The following STAG1 variants were observed in gnomAD, a reference collection of about 807,000 sequenced individuals.
STAG1 encodes the protein cohesin subunit SA-1.
STAG1 carries 26 observed loss-of-function variants against 170.9 expected under a neutral mutation model. The observed-to-expected ratio is 0.15, with a 90% CI of 0.11 to 0.21. STAG1 has a LOEUF of 0.21. STAG1 is among the 10% of genes least tolerant of loss of function. The pLI is 1.00. For synonymous variants in STAG1, 514 were observed against 497.7 expected (o/e 1.03, Z -0.44); for missense variants, 964 against 1,509.5 (o/e 0.64, Z 5.99).
chr3:136,418,644 T>C (rs2087852894), intron 20 of STAG1, among the ~76,000 whole-genome samples: 1 of 149,918 alleles, frequency 6.7e-6, no homozygotes, highest in South Asian at 2.1e-4. Flanking sequence ...TATATAATAG[T>C]ATTTTTTTTT....
chr3:136,344,629 T>C (rs1477623211), intron 29 of STAG1, among the ~76,000 whole-genome samples: 1 of 152,108 alleles, frequency 6.6e-6, no homozygotes, highest in African/African-American at 2.4e-5. Flanking sequence ...AAACTTTTTT[T>C]TCAAGACGGA....
intron 6 of STAG1, among the ~76,000 whole-genome samples, chr3:136,537,114 TTTCTAA>T (rs763640053): frequency 7.2e-5 from 11 of 152,234 alleles, no homozygotes; most frequent in African/African-American, 2.7e-4. Context: ...GCACTTGTCA[TTTCTAA>T]TTCTATTTTC....
In STAG1 at chr3:136,343,937, G is replaced by A. The variant is rs755648970; in HGVS notation, c.3341C>T (p.Ala1114Val). 8.7e-6 allele frequency: 14 copies of A among 1,612,306 alleles called. No homozygotes were observed. In the East Asian group the frequency reaches 3.1e-4, roughly 36 times the overall value. ...TMIQTPGPLP[A>V]PQLTSTVLRE... Reference sequence around the variant, plus strand: ...CAGTACAGTGGATGTGAGTTGTGGTGCTGGCAGGGGGCCAGGAGTCTGAAT... The same window carrying A: ...CAGTACAGTGGATGTGAGTTGTGGTACTGGCAGGGGGCCAGGAGTCTGAAT... The change falls in exon 30 of 34, where the codon GCA becomes GTA. Residue 1114 changes from alanine (A) to valine (V), a missense_variant. Physicochemically the swap from Ala to Val is moderately conservative, Grantham distance 64. Around this residue, in one of 11 missense-constraint regions of STAG1, gnomAD observed 122 missense variants for 129.0 expected, o/e 0.95. Transcript: ENST00000383202.
chr3:136,739,080 G>A (rs1227419944), intron 1 of STAG1, among the ~76,000 whole-genome samples: 3 of 152,142 alleles, frequency 2.0e-5, no homozygotes, highest in South Asian at 2.1e-4. Context: ...ACTTCAAAAT[G>A]CAAAGTATTT....
chr3:136,739,502 T>A (rs1576834741), intron 1 of STAG1, among the ~76,000 whole-genome samples: 4 of 96,270 alleles, frequency 4.2e-5, no homozygotes, highest in African/African-American at 4.3e-5. Flanking sequence ...ACAGACTCCG[T>A]CAAAAAAAAA....
intron 12 of STAG1, among the ~76,000 whole-genome samples, chr3:136,465,736 T>G (rs927650639): frequency 1.3e-5 from 2 of 151,902 alleles, no homozygotes; most frequent in African/African-American, 4.8e-5. Flanking sequence ...AACACAAAAA[T>G]TGAAGGTTCT....
chr3:136,655,643 G>A (rs1281426208), intron 1 of STAG1, among the ~76,000 whole-genome samples: 3 of 152,110 alleles, frequency 2.0e-5, no homozygotes, highest in Non-Finnish European at 4.4e-5. Context: ...CATGCCGGTA[G>A]TTCCAGCTAC....
At chr3:136,340,794 TCA>T (rs1232557192) in intron 31 of STAG1, among the ~76,000 whole-genome samples, 189 bp from the exon 32 acceptor site, 1 of 152,208 alleles carries the variant, frequency 6.6e-6, no homozygotes, top group African/African-American at 2.4e-5. Flanking sequence ...AGATTTCATC[TCA>T]CATATCAAAA....
chr3:136,498,780 T>C (rs1205760266), intron 9 of STAG1, among the ~76,000 whole-genome samples: 1 of 151,234 alleles, frequency 6.6e-6, no homozygotes, highest in Non-Finnish European at 1.5e-5. Context: ...ATGTTATACA[T>C]GCAGTATATG....
rs915266980 is a variant in STAG1 at position 136,537,630 on chromosome 3, A to G, written c.471+4489T>C. 1.4e-4 allele frequency among the ~76,000 whole-genome samples: 21 copies of G among 150,360 alleles called. No individual in the cohort carries two copies. The East Asian group carries it at 4.1e-3, about 29-fold the overall frequency. ...ATTCTCCTGCCTCAGCCTCCCCATT[A>G]GCTGGGATTACAGGCATGTACCACC... On this transcript the variant is annotated intron_variant, in intron 6 of 33. Coordinates refer to ENST00000383202, the MANE Select transcript of STAG1 (RefSeq NM_005862.3).
rs757065909 is a variant in STAG1 at position 136,377,727 on chromosome 3, G to A, written c.2303C>T (p.Thr768Met). ...SKEDLLVLRK[T>M]VKSFLAVCQQ... ...GCAAACAGCCAAAAAGGATTTCACC[G>A]TTTTCCTCAATACCAACAAATCCTC... Residue 768 changes from threonine to methionine, a missense_variant, in exon 23 of 34, where the codon ACG becomes ATG. By Grantham distance (81) the Thr-to-Met change is moderately conservative. Around this residue, in one of 11 missense-constraint regions of STAG1, gnomAD observed 232 missense variants for 313.0 expected, o/e 0.74. Transcript: ENST00000383202. The A allele has an allele frequency of 4.9e-5, 79 of 1,613,800 alleles. No homozygotes were observed. Among genetic ancestry groups the A allele is most frequent in the East Asian group, 2.0e-4 (9 of 44,854 alleles).
chr3:136,565,188 A>G (rs367593081), intron 5 of STAG1, among the ~76,000 whole-genome samples: 10 of 152,174 alleles, frequency 6.6e-5, no homozygotes, highest in African/African-American at 1.9e-4. Context: ...AAGAGAAATC[A>G]GACTTAATAA....
intron 23 of STAG1, among the ~76,000 whole-genome samples, chr3:136,372,991 G>A (rs993867412): frequency 4.0e-5 from 6 of 151,834 alleles, no homozygotes; most frequent in African/African-American, 1.2e-4. Context: ...ACTTTTTTTG[G>A]TTGGTAAGCT....
At chr3:136,360,884 G>T (rs1936837982) in intron 26 of STAG1, among the ~76,000 whole-genome samples, 1 of 152,018 alleles carries the variant, frequency 6.6e-6, no homozygotes, top group African/African-American at 2.4e-5. Flanking sequence ...TAGCCAGGAT[G>T]GTCTCGATCT....
chr3:136,665,479 G>A (rs1290675428), intron 1 of STAG1, among the ~76,000 whole-genome samples: 3 of 152,030 alleles, frequency 2.0e-5, no homozygotes, highest in Non-Finnish European at 4.4e-5. Context: ...AATCAAACAG[G>A]CCTTTAGAAG....
chr3:136,603,053 T>C (rs1461896696), intron 4 of STAG1, among the ~76,000 whole-genome samples: 3 of 152,110 alleles, frequency 2.0e-5, no homozygotes, highest in Non-Finnish European at 4.4e-5. Flanking sequence ...CACGTCAATC[T>C]GGTAACATAC....
At chr3:136,649,466 G>T (rs1471920720) in intron 1 of STAG1, among the ~76,000 whole-genome samples, 1 of 132,082 alleles carries the variant, frequency 7.6e-6, no homozygotes, top group African/African-American at 3.0e-5. Context: ...GTGAAAGAGT[G>T]AGACTCCATC....
At chr3:136,379,062 G>A (rs750614582) in intron 22 of STAG1, among the ~76,000 whole-genome samples, 2 of 152,156 alleles carry the variant, frequency 1.3e-5, no homozygotes, top group African/African-American at 2.4e-5. Flanking sequence ...TATAGTATGT[G>A]GAAGAAGGAG....
At chr3:136,597,867 C>T (rs576420507) in intron 4 of STAG1, among the ~76,000 whole-genome samples, 1 of 151,882 alleles carries the variant, frequency 6.6e-6, no homozygotes, top group South Asian at 2.1e-4. Flanking sequence ...TGGGAATACA[C>T]CTAAACTTCA....
Sources: allele counts gnomAD v4.1 joint callset (sites outside exome capture counted in the v4.1 genomes callset), GRCh38; gene constraint gnomAD v4.1.1; regional missense constraint gnomAD v4.1.1; transcripts MANE v1.5; gene names NCBI Gene and HGNC (gene_info 2026-07-23, HGNC 2026-07-21).